Variants in KSR2 observed in about 807,000 individuals in gnomAD.
KSR2 encodes kinase suppressor of ras 2.
In KSR2, 25 loss-of-function variants were observed where a neutral mutation model predicts 107.8. The ratio of observed to expected loss-of-function variants is 0.23; its 90% confidence interval spans 0.17 to 0.32. The LOEUF (loss-of-function observed/expected upper bound fraction) is 0.32, where lower values mean the gene tolerates loss of function less well. Ranked by LOEUF, KSR2 falls within the 10% of genes least tolerant of loss-of-function variation. The probability of loss-of-function intolerance (pLI) is 1.00; values close to 1 mark genes in which losing one functional copy is unlikely to be tolerated. For synonymous variants in KSR2, 480 were observed against 507.0 expected (o/e 0.95, Z 0.71); for missense variants, 887 against 1,268.9 (o/e 0.70, Z 4.57).
At chr12:117,781,512 G>A (rs539835454) in intron 3 of KSR2, among the ~76,000 whole-genome samples, 90 of 152,278 alleles carry the variant, frequency 5.9e-4, no homozygotes, top group African/African-American at 2.0e-3. Context: ...GTGGAGAGCT[G>A]AGGATTTATC....
At chr12:117,556,031 G>C (rs1456004538) in intron 8 of KSR2, among the ~76,000 whole-genome samples, 1 of 152,094 alleles carries the variant, frequency 6.6e-6, no homozygotes, top group African/African-American at 2.4e-5. Context: ...TTAAGCTCCG[G>C]ATTGACCCAG....
chr12:117,585,668 G>A (rs1399647060), intron 5 of KSR2, among the ~76,000 whole-genome samples: 1 of 152,160 alleles, frequency 6.6e-6, no homozygotes, highest in Non-Finnish European at 1.5e-5. Flanking sequence ...GAAAATCCAG[G>A]CCTTATCATA....
intron 1 of KSR2, among the ~76,000 whole-genome samples, chr12:117,963,216 A>T (rs1896708050): frequency 6.6e-6 from 1 of 151,832 alleles, no homozygotes; most frequent in African/African-American, 2.4e-5. Flanking sequence ...TGCCCCACCC[A>T]TTCATGTATG....
intron 3 of KSR2, among the ~76,000 whole-genome samples, chr12:117,829,801 G>A (rs1370736521): frequency 6.6e-6 from 1 of 152,148 alleles, no homozygotes; most frequent in African/African-American, 2.4e-5. Context: ...ACTTTAACTA[G>A]GCAGCCCACT....
At chr12:117,744,847 T>A (rs1888347997) in intron 4 of KSR2, among the ~76,000 whole-genome samples, 1 of 152,214 alleles carries the variant, frequency 6.6e-6, no homozygotes, top group African/African-American at 2.4e-5. Context: ...GTGTTATTGA[T>A]TAACTGATCA....
intron 4 of KSR2, among the ~76,000 whole-genome samples, chr12:117,703,834 T>C (rs934140258): frequency 3.3e-5 from 5 of 152,198 alleles, no homozygotes; most frequent in African/African-American, 4.8e-5. Context: ...AGGTATGGAC[T>C]GTGAGCCCTG....
At position 117,636,073 on chromosome 12, in the gene KSR2, TGAGCCAGG is replaced by T. The variant is rs1470179729; in HGVS notation, c.1171+31393_1171+31400del. Reference sequence around the variant, plus strand: ...TCCCAAAGTCCTAGGATGACAGGCGTGAGCCAGGGCACCTGGCCAGTATGTTACTACTT... The same window carrying T: ...TCCCAAAGTCCTAGGATGACAGGCGTGCACCTGGCCAGTATGTTACTACTT... On this transcript the variant is annotated intron_variant, in intron 5 of 19. Transcript: ENST00000339824. Among the ~76,000 whole-genome samples the T allele has an allele frequency of 3.3e-5, 5 of 152,340 alleles. No individual in the cohort carries two copies. The East Asian group carries it at 9.6e-4, about 29-fold the overall frequency.
intron 1 of KSR2, among the ~76,000 whole-genome samples, chr12:117,943,666 G>A (rs536742054): frequency 2.0e-5 from 3 of 152,208 alleles, no homozygotes; most frequent in East Asian, 1.9e-4. Context: ...ACTAATACAT[G>A]GGTGAAACTT....
chr12:117,485,954 G>A (rs1170839941), intron 14 of KSR2, among the ~76,000 whole-genome samples: 2 of 152,186 alleles, frequency 1.3e-5, no homozygotes, highest in Non-Finnish European at 2.9e-5. Context: ...CCAGAAATGG[G>A]TTTGCCATGT....
intron 5 of KSR2, among the ~76,000 whole-genome samples, chr12:117,591,587 G>T (rs1480243444): frequency 1.3e-5 from 2 of 152,090 alleles, no homozygotes; most frequent in Non-Finnish European, 2.9e-5. Context: ...CAGCAAAGCA[G>T]ATGAAGGGCT....
intron 14 of KSR2, among the ~76,000 whole-genome samples, chr12:117,523,307 C>T (rs1017263763): frequency 6.6e-6 from 1 of 152,198 alleles, no homozygotes; most frequent in African/African-American, 2.4e-5. Flanking sequence ...AAGACTTGTG[C>T]ATTTGGGGTC....
intron 14 of KSR2, among the ~76,000 whole-genome samples, chr12:117,518,809 C>A (rs942586066): frequency 3.9e-5 from 6 of 152,214 alleles, no homozygotes; most frequent in African/African-American, 1.4e-4. Flanking sequence ...CTGAACTGCT[C>A]TTTCTCTGCC....
intron 14 of KSR2, among the ~76,000 whole-genome samples, chr12:117,509,663 G>T (rs1010165427): frequency 1.3e-5 from 2 of 152,200 alleles, no homozygotes; most frequent in African/African-American, 4.8e-5. Flanking sequence ...AAACAAGTCT[G>T]CCGAGAATCC....
intron 1 of KSR2, among the ~76,000 whole-genome samples, chr12:117,938,082 T>C (rs1239102921): frequency 1.3e-5 from 2 of 151,542 alleles, no homozygotes; most frequent in African/African-American, 4.8e-5. Context: ...CATTTGTGCA[T>C]ACTGTTCCTG....
At chr12:117,542,734 T>C (rs1876596484) in intron 9 of KSR2, among the ~76,000 whole-genome samples, 1 of 152,232 alleles carries the variant, frequency 6.6e-6, no homozygotes, top group Non-Finnish European at 1.5e-5. Flanking sequence ...AGCAATCCCA[T>C]TGCCTCAACC....
intron 5 of KSR2, among the ~76,000 whole-genome samples, chr12:117,665,213 G>T (rs1565950701): frequency 1.3e-5 from 2 of 152,062 alleles, no homozygotes; most frequent in Admixed American, 6.5e-5. Flanking sequence ...TTTAATTAAG[G>T]ACTTTGCTCC....
chr12:117,697,405 T>A (rs1886111811), intron 4 of KSR2, among the ~76,000 whole-genome samples: 1 of 152,208 alleles, frequency 6.6e-6, no homozygotes, highest in Non-Finnish European at 1.5e-5. Flanking sequence ...CAAGACGCTA[T>A]CTGCTTAGAA....
chr12:117,531,921 C>T (rs1189571027), intron 10 of KSR2, among the ~76,000 whole-genome samples: 3 of 152,184 alleles, frequency 2.0e-5, no homozygotes, highest in African/African-American at 7.2e-5. Context: ...TCTGACATCT[C>T]ACACTCCCTA....
chr12:117,828,632 T>C (rs2137105178), intron 3 of KSR2, among the ~76,000 whole-genome samples: 1 of 152,372 alleles, frequency 6.6e-6, no homozygotes, highest in East Asian at 1.9e-4. Flanking sequence ...GCGGCCAGGC[T>C]GTCCTGAGTT....
Sources: allele counts gnomAD v4.1 joint callset (sites outside exome capture counted in the v4.1 genomes callset), GRCh38; gene constraint gnomAD v4.1.1; transcripts MANE v1.5; gene names NCBI Gene and HGNC (gene_info 2026-07-23, HGNC 2026-07-21).